The following TRIM55 variants were observed in gnomAD, a reference collection of about 807,000 sequenced individuals.
TRIM55 encodes the protein tripartite motif containing 55.
In TRIM55, 50 loss-of-function variants were observed where a neutral mutation model predicts 60.9. The observed-to-expected ratio is 0.82, with a 90% CI of 0.65 to 1.04. TRIM55 has a LOEUF of 1.04. Among genes scored for constraint, TRIM55 ranks in the 50% least tolerant of loss-of-function variants. TRIM55 has a pLI of 0.00. For missense variants in TRIM55, 681 were observed against 666.9 expected (o/e 1.02, Z -0.23); for synonymous variants, 237 against 238.1 (o/e 1.00, Z 0.04).
the TRIM55 span, among the ~76,000 whole-genome samples, chr8:66,121,349 C>T: frequency 3.8e-4 from 58 of 152,298 alleles, 1 homozygote; most frequent in East Asian, 8.7e-3. Context: ...TAATTGCTCC[C>T]GATCAGTTTC....
chr8:66,161,337 A>G (rs550578949), intron 9 of TRIM55, among the ~76,000 whole-genome samples: 13 of 152,138 alleles, frequency 8.5e-5, no homozygotes, highest in African/African-American at 3.1e-4. Context: ...GTTGGCTGTA[A>G]GTATTTGGCT....
chr8:66,171,429 C>T (rs539803195), intron 9 of TRIM55, among the ~76,000 whole-genome samples: 1 of 152,244 alleles, frequency 6.6e-6, no homozygotes, highest in East Asian at 1.9e-4. Context: ...TGATCTTGTT[C>T]TTTTTTATGT....
rs374762429 is a variant in TRIM55 at position 66,174,524 on chromosome 8, C to A, written c.1578C>A (p.Gly526=). 1 of 1,611,972 alleles carries A rather than the reference C, an allele frequency of 6.2e-7. No homozygotes were observed. The highest frequency in any genetic ancestry group is 1.3e-5 in the African/African-American group (1 of 74,942). ...LQGQAAAPAS[G]SGADSEPARH... ...GACAGGCTGCAGCTCCAGCGAGTGG[C>A]AGTGGAGCTGATTCTGAGCCAGCTC... The change falls in exon 10 of 10, where the codon GGC becomes GGA. Residue 526 remains glycine (G), a synonymous_variant. Coordinates refer to ENST00000315962, the MANE Select transcript of TRIM55 (RefSeq NM_184085.2).
At chr8:66,114,511 A>G in the TRIM55 span, 17 of 455,782 alleles carry the variant, frequency 3.7e-5, no homozygotes, top group East Asian at 1.0e-3. Context: ...CGTCACATGT[A>G]TTATCACTCA....
At chr8:66,169,923 C>T (rs972810301) in intron 9 of TRIM55, among the ~76,000 whole-genome samples, 2 of 152,096 alleles carry the variant, frequency 1.3e-5, no homozygotes, top group African/African-American at 4.8e-5. Context: ...GTAAAGAATG[C>T]AGAATATAGA....
intron 9 of TRIM55, among the ~76,000 whole-genome samples, chr8:66,169,588 A>G (rs985065167): frequency 1.3e-5 from 2 of 152,252 alleles, no homozygotes; most frequent in African/African-American, 2.4e-5. Flanking sequence ...ATGAAAAAGC[A>G]GGCCAGGTAA....
intron 7 of TRIM55, among the ~76,000 whole-genome samples, chr8:66,151,141 G>A (rs924125717): frequency 3.3e-5 from 5 of 152,132 alleles, no homozygotes; most frequent in African/African-American, 1.2e-4. Flanking sequence ...GAGGCATGTG[G>A]GTTAGATATT....
intron 2 of TRIM55, among the ~76,000 whole-genome samples, chr8:66,134,343 A>G (rs1370879567): frequency 6.6e-6 from 1 of 152,218 alleles, no homozygotes; most frequent in Non-Finnish European, 1.5e-5. Context: ...GTACACCCAC[A>G]CTTGCGTCTC....
chr8:66,153,900 G>T, intron 8 of TRIM55, 147 bp from the exon 9 acceptor site: 1 of 705,324 alleles, frequency 1.4e-6, no homozygotes. Context: ...CGCTTCTGGA[G>T]GGTGGGATGA....
chr8:66,144,258 C>A (rs916632849), intron 4 of TRIM55, among the ~76,000 whole-genome samples: 3 of 152,124 alleles, frequency 2.0e-5, no homozygotes, highest in African/African-American at 7.2e-5. Flanking sequence ...AAACAAATAT[C>A]CCACCCATCA....
At chr8:66,174,155 A>G (rs1811790890) in intron 9 of TRIM55, among the ~76,000 whole-genome samples, 1 of 151,250 alleles carries the variant, frequency 6.6e-6, no homozygotes, top group Non-Finnish European at 1.5e-5. Context: ...TGAATAAATC[A>G]TGTACAAGTG....
the TRIM55 span, chr8:66,113,476 T>C: frequency 2.2e-6 from 1 of 455,140 alleles, no homozygotes; most frequent in African/African-American, 2.0e-5. Context: ...TGCGGTTTTT[T>C]TCTCCAGCTC....
the TRIM55 span, chr8:66,115,284 C>G: frequency 6.6e-6 from 1 of 151,978 alleles, no homozygotes; most frequent in Non-Finnish European, 1.5e-5. Flanking sequence ...AGGGTGGTCT[C>G]CATTTTTACC....
chr8:66,119,788 G>A, the TRIM55 span, among the ~76,000 whole-genome samples: 1 of 152,148 alleles, frequency 6.6e-6, no homozygotes, highest in Non-Finnish European at 1.5e-5. Flanking sequence ...TGGTTGTCTA[G>A]TATAATAACC....
chr8:66,139,205 G>C (rs1033578893), intron 4 of TRIM55, among the ~76,000 whole-genome samples: 1 of 152,188 alleles, frequency 6.6e-6, no homozygotes, highest in Non-Finnish European at 1.5e-5. Context: ...ACCAAGCTGA[G>C]TCTTGAGTTT....
At chr8:66,156,112 A>G (rs910120484) in intron 9 of TRIM55, among the ~76,000 whole-genome samples, 2 of 152,332 alleles carry the variant, frequency 1.3e-5, no homozygotes, top group Middle Eastern at 3.4e-3. Flanking sequence ...GCAGGTTTCC[A>G]TAGATTAAGT....
chr8:66,154,162 G>A lies in TRIM55; in HGVS notation c.1352G>A (p.Arg451Gln), dbSNP rs1045777754. 10 of 1,613,948 alleles carry A rather than the reference G, an allele frequency of 6.2e-6. No homozygotes were observed. Among genetic ancestry groups the A allele is most frequent in the Middle Eastern group, 1.6e-4 (1 of 6,084 alleles). The change falls in exon 9 of 10, where the codon CGG becomes CAG. Residue 451 changes from arginine to glutamine, a missense_variant. Coordinates refer to ENST00000315962, the MANE Select transcript of TRIM55 (RefSeq NM_184085.2). ...FYPSWYKGQT[R>Q]KATTNPPCTP... ...CCTAGTTGGTATAAAGGCCAAACCC[G>A]GAAAGCCACCACCAACCCACCTTGC...
In TRIM55 at chr8:66,154,308, A is replaced by G; in HGVS notation, c.1498A>G (p.Thr500Ala). Reference sequence around the variant, plus strand: ...GAGGGCAGCTGTGAGTGGTAAGGAAACTAGTGCACCTGCAGCTACTTCTCA... The same window carrying G: ...GAGGGCAGCTGTGAGTGGTAAGGAAGCTAGTGCACCTGCAGCTACTTCTCA... ...SERAAVSGKE[T>A]SAPAATSQIG... The change falls in exon 9 of 10, where the codon ACT becomes GCT. Residue 500 changes from threonine to alanine, a missense_variant. By Grantham distance (58) the Thr-to-Ala change is moderately conservative. Transcript: ENST00000315962. The G allele has an allele frequency of 6.2e-7, 1 of 1,614,078 alleles. No homozygotes were observed. The highest frequency in any genetic ancestry group is 2.2e-5 in the East Asian group (1 of 44,876).
At position 66,144,166 on chromosome 8, in the gene TRIM55, G is replaced by A. The variant is rs527294877; in HGVS notation, c.604-5479G>A. Among the ~76,000 whole-genome samples the A allele has an allele frequency of 2.0e-5, 3 of 152,202 alleles. No individual in the cohort carries two copies. In the East Asian group the frequency reaches 5.8e-4, roughly 29 times the overall value. On this transcript the variant is annotated intron_variant, in intron 4 of 9. Coordinates refer to ENST00000315962, the MANE Select transcript of TRIM55 (RefSeq NM_184085.2). ...CAATGGCTTTAGGTCAATGTTAAATGTTACCTACTCACTTCTAAGGAAACA... is the reference window on the plus strand; with the variant it reads ...CAATGGCTTTAGGTCAATGTTAAATATTACCTACTCACTTCTAAGGAAACA...
Sources: allele counts gnomAD v4.1 joint callset (sites outside exome capture counted in the v4.1 genomes callset), GRCh38; gene constraint gnomAD v4.1.1; transcripts MANE v1.5; gene names NCBI Gene and HGNC (gene_info 2026-07-23, HGNC 2026-07-21).